The following KHDRBS2 variants were observed in gnomAD, a reference collection of about 807,000 sequenced individuals.
KHDRBS2 encodes the protein KH RNA binding domain containing, signal transduction associated 2.
In KHDRBS2, 26 loss-of-function variants were observed where a neutral mutation model predicts 44.3. The ratio of observed to expected loss-of-function variants is 0.59; its 90% CI spans 0.43 to 0.81. The LOEUF (loss-of-function observed/expected upper bound fraction) is 0.81, where lower values mean the gene tolerates loss of function less well. Among genes scored for constraint, KHDRBS2 ranks in the 40% least tolerant of loss-of-function variants. The pLI is 0.00. For synonymous variants in KHDRBS2, 194 were observed against 151.1 expected, an observed-to-expected ratio of 1.28 and a Z score of -2.08; for missense variants, 476 against 433.1, an observed-to-expected ratio of 1.10 and a Z score of -0.88.
the KHDRBS2 span, among the ~76,000 whole-genome samples, chr6:61,565,976 G>A: frequency 6.8e-6 from 1 of 147,874 alleles, no homozygotes. Flanking sequence ...TCCATCAACA[G>A]ATGTATGGGT....
At chr6:61,581,468 AG>A in the KHDRBS2 span, among the ~76,000 whole-genome samples, 1 of 150,730 alleles carries the variant, frequency 6.6e-6, no homozygotes, top group East Asian at 1.9e-4. Flanking sequence ...AAAAGCATAA[AG>A]CATCCAGGAC....
chr6:61,595,941 C>T, the KHDRBS2 span, among the ~76,000 whole-genome samples: 1 of 151,848 alleles, frequency 6.6e-6, no homozygotes, highest in South Asian at 2.1e-4. Context: ...AATATTTTTT[C>T]TAGTCATCTT....
intron 6 of KHDRBS2, among the ~76,000 whole-genome samples, chr6:61,857,204 A>G (rs924753067): frequency 6.6e-6 from 1 of 152,058 alleles, no homozygotes; most frequent in South Asian, 2.1e-4. Context: ...TACATATTTC[A>G]TCAGTAAATG....
At chr6:62,161,340 A>T (rs1210493362) in intron 2 of KHDRBS2, among the ~76,000 whole-genome samples, 2 of 151,622 alleles carry the variant, frequency 1.3e-5, no homozygotes, top group African/African-American at 4.8e-5. Context: ...TAAACCATAA[A>T]TTTAAAAAAA....
chr6:62,260,298 T>C (rs984671779), intron 1 of KHDRBS2, among the ~76,000 whole-genome samples: 3 of 152,024 alleles, frequency 2.0e-5, no homozygotes, highest in African/African-American at 4.8e-5. Flanking sequence ...CCAGGTACCT[T>C]CCTTTTACAA....
the KHDRBS2 span, among the ~76,000 whole-genome samples, chr6:61,544,621 A>G: frequency 1.3e-4 from 20 of 152,248 alleles, no homozygotes; most frequent in South Asian, 4.1e-4. Context: ...GTGTGGCTGA[A>G]TGAAAGATTT....
the KHDRBS2 span, among the ~76,000 whole-genome samples, chr6:61,664,675 C>G: frequency 1.3e-5 from 2 of 151,668 alleles, no homozygotes; most frequent in Non-Finnish European, 3.0e-5. Flanking sequence ...CTGCTAAGAA[C>G]ACAACTGGAA....
chr6:61,767,747 G>A (rs1386836112), intron 6 of KHDRBS2, among the ~76,000 whole-genome samples: 3 of 152,034 alleles, frequency 2.0e-5, no homozygotes, highest in Non-Finnish European at 4.4e-5. Flanking sequence ...AACAAGCAAA[G>A]AGAAAACTAA....
intron 2 of KHDRBS2, among the ~76,000 whole-genome samples, chr6:62,150,571 G>A (rs1814941547): frequency 6.6e-6 from 1 of 152,084 alleles, no homozygotes; most frequent in Admixed American, 6.5e-5. Context: ...AAACCATAAT[G>A]TTTTATTTTC....
chr6:62,187,315 A>G (rs1823648055), intron 1 of KHDRBS2, among the ~76,000 whole-genome samples: 1 of 152,152 alleles, frequency 6.6e-6, no homozygotes, highest in African/African-American at 2.4e-5. Context: ...CTGAACCATT[A>G]TATCAATCAT....
intron 1 of KHDRBS2, among the ~76,000 whole-genome samples, chr6:62,265,153 A>T (rs1409076667): frequency 6.6e-6 from 1 of 151,986 alleles, no homozygotes; most frequent in South Asian, 2.1e-4. Context: ...AAAAGATGCA[A>T]TGGGGACCCT....
At chr6:61,778,971 C>G (rs1178436955) in intron 6 of KHDRBS2, among the ~76,000 whole-genome samples, 1 of 152,132 alleles carries the variant, frequency 6.6e-6, no homozygotes, top group East Asian at 1.9e-4. Context: ...AGACCCATTT[C>G]CACACTGACG....
chr6:62,083,323 G>T (rs73758655), intron 2 of KHDRBS2, among the ~76,000 whole-genome samples: 2 of 152,026 alleles, frequency 1.3e-5, no homozygotes, highest in Non-Finnish European at 2.9e-5. Flanking sequence ...GAAAACCACC[G>T]TCCTACTCCA....
chr6:61,977,839 A>G (rs1773004546), intron 4 of KHDRBS2, among the ~76,000 whole-genome samples: 1 of 152,114 alleles, frequency 6.6e-6, no homozygotes, highest in Non-Finnish European at 1.5e-5. Context: ...ATGGCATGAC[A>G]CCAGCATGAC....
At chr6:61,916,082 CG>C (rs1562435194) in intron 4 of KHDRBS2, among the ~76,000 whole-genome samples, 1 of 151,942 alleles carries the variant, frequency 6.6e-6, no homozygotes, top group East Asian at 1.9e-4. Context: ...CACAGGTTTC[CG>C]AAACACTTAA....
At chr6:61,687,419 A>T (rs1766937087) in intron 8 of KHDRBS2, among the ~76,000 whole-genome samples, 2 of 151,824 alleles carry the variant, frequency 1.3e-5, no homozygotes. Flanking sequence ...CTTACCATGC[A>T]CATGGCAGGC....
chr6:61,662,138 G>A, the KHDRBS2 span, among the ~76,000 whole-genome samples: 464 of 150,338 alleles, frequency 3.1e-3, 4 homozygotes, highest in African/African-American at 0.011. Flanking sequence ...AGAAAAACAA[G>A]CAATGGGGAA....
intron 1 of KHDRBS2, among the ~76,000 whole-genome samples, chr6:62,193,593 A>G (rs1825037267): frequency 6.6e-6 from 1 of 152,088 alleles, no homozygotes; most frequent in South Asian, 2.1e-4. Flanking sequence ...CTAAAGGAGA[A>G]AGCTCCTCTA....
downstream of KHDRBS2, among the ~76,000 whole-genome samples, chr6:61,676,950 C>T (rs1157320282): frequency 2.0e-5 from 3 of 151,836 alleles, no homozygotes; most frequent in Non-Finnish European, 4.4e-5. Context: ...AATGCATAAA[C>T]TTTATGTTCA....
Sources: gnomAD v4.1 joint callset for allele counts (sites outside exome capture counted in the v4.1 genomes callset) on GRCh38, gnomAD v4.1.1 for gene constraint, MANE v1.5 for transcripts, NCBI Gene and HGNC (gene_info 2026-07-23, HGNC 2026-07-21) for gene names.